Variants in COL21A1 observed in about 807,000 individuals in gnomAD.
The protein encoded by COL21A1 is collagen alpha-1(XXI) chain.
COL21A1 carries 149 observed loss-of-function variants against 137.9 expected under a neutral mutation model. The ratio of observed to expected loss-of-function variants is 1.08; its 90% CI spans 0.95 to 1.24. The LOEUF (loss-of-function observed/expected upper bound fraction) is 1.24. COL21A1 is among the 50% of genes most tolerant of loss of function. The pLI is 0.00. For synonymous variants in COL21A1, 456 were observed against 391.5 expected, an observed-to-expected ratio of 1.16 and a Z score of -1.95; for missense variants, 1,167 against 1,158.4, an observed-to-expected ratio of 1.01 and a Z score of -0.11.
intron 1 of COL21A1, among the ~76,000 whole-genome samples, chr6:56,282,506 C>A (rs1297200027): frequency 6.6e-6 from 1 of 152,122 alleles, no homozygotes; most frequent in Non-Finnish European, 1.5e-5. Context: ...GATGAAGAGG[C>A]CTGGATGCCA....
intron 8 of COL21A1, 138 bp downstream of exon 8, chr6:56,164,676 A>G: frequency 1.2e-6 from 1 of 852,106 alleles, no homozygotes. Flanking sequence ...ACAAAAATCT[A>G]TAAATATTAA....
chr6:56,223,108 G>T (rs2152313481), intron 1 of COL21A1, among the ~76,000 whole-genome samples: 1 of 151,972 alleles, frequency 6.6e-6, no homozygotes, highest in East Asian at 1.9e-4. Context: ...TCACTTCTGG[G>T]ATAAACCGTG....
chr6:56,301,470 A>T (rs781391641), intron 1 of COL21A1, among the ~76,000 whole-genome samples: 2 of 152,156 alleles, frequency 1.3e-5, no homozygotes, highest in Non-Finnish European at 2.9e-5. Context: ...TCAGACTCTG[A>T]CCTACAGAAG....
At chr6:56,318,291 G>C (rs1443783752) in intron 1 of COL21A1, among the ~76,000 whole-genome samples, 1 of 152,006 alleles carries the variant, frequency 6.6e-6, no homozygotes, top group Non-Finnish European at 1.5e-5. Context: ...CCCTGTACCT[G>C]TGAAAGTGAA....
chr6:56,353,738 T>C (rs1353101361), intron 1 of COL21A1, among the ~76,000 whole-genome samples: 2 of 151,714 alleles, frequency 1.3e-5, no homozygotes, highest in Non-Finnish European at 2.9e-5. Flanking sequence ...AGAATGCCAA[T>C]AGAATAAAAG....
At chr6:56,059,997 T>C in intron 28 of COL21A1, 21 bp downstream of exon 28, 1 of 1,553,958 alleles carries the variant, frequency 6.4e-7, no homozygotes, top group Non-Finnish European at 8.7e-7. Context: ...ATTCATTTTC[T>C]TGTTGAAACT....
intron 6 of COL21A1, among the ~76,000 whole-genome samples, chr6:56,167,763 CT>C (rs1165466698): frequency 1.3e-5 from 2 of 152,138 alleles, no homozygotes; most frequent in African/African-American, 2.4e-5. Context: ...ATCCTTGCAG[CT>C]GCAAAGACAT....
chr6:56,224,600 A>T (rs569668739), intron 1 of COL21A1, among the ~76,000 whole-genome samples: 2 of 152,220 alleles, frequency 1.3e-5, no homozygotes, highest in South Asian at 2.1e-4. Context: ...CGAATTTTTT[A>T]AAAATCATAT....
At chr6:56,314,486 T>C (rs2152340178) in intron 1 of COL21A1, among the ~76,000 whole-genome samples, 1 of 152,228 alleles carries the variant, frequency 6.6e-6, no homozygotes, top group African/African-American at 2.4e-5. Flanking sequence ...ATTCCTAGAA[T>C]CAGGAAACCC....
rs772848970 is a variant in COL21A1 at position 56,179,944 on chromosome 6, C to G, written c.274G>C (p.Gly92Arg). The G allele has an allele frequency of 6.2e-7, 1 of 1,613,850 alleles. No homozygotes were observed. Among genetic ancestry groups the G allele is most frequent in the Non-Finnish European group, 8.5e-7 (1 of 1,179,844 alleles). ...AAATGTTCTCCTGAATCATAGCTTCCGAGAGGAATCTCCAGCACAGGGTAG... is the reference window on the plus strand; with the variant it reads ...AAATGTTCTCCTGAATCATAGCTTCGGAGAGGAATCTCCAGCACAGGGTAG... ...SDYPVLEIPLGSYDSGEHLTA... is the reference protein window; with the variant it reads ...SDYPVLEIPLRSYDSGEHLTA... The change falls in exon 3 of 30, where the codon GGA becomes CGA. Residue 92 changes from glycine (G) to arginine (R), a missense_variant. Coordinates refer to ENST00000244728, the MANE Select transcript of COL21A1 (RefSeq NM_030820.4).
chr6:56,388,918 G>GA lies in COL21A1; in HGVS notation c.-39+5052dup, dbSNP rs541830993. Among the ~76,000 whole-genome samples the GA allele has an allele frequency of 3.7e-3, 565 of 152,266 alleles. 1 individual carries two copies. Among genetic ancestry groups the GA allele is most frequent in the Non-Finnish European group, 6.7e-3 (453 of 67,998 alleles). ...AGAGAAGGAATTCAGAATTCTATCA[G>GA]AAAAAATGTACCAAGAGAAATACAA... On this transcript the variant is annotated intron_variant, in intron 1 of 28. Coordinates refer to the COL21A1 transcript ENST00000370819.
chr6:56,154,302 G>A (rs1262707397), intron 10 of COL21A1, among the ~76,000 whole-genome samples: 2 of 152,102 alleles, frequency 1.3e-5, no homozygotes, highest in Non-Finnish European at 2.9e-5. Flanking sequence ...GCAGAATCAT[G>A]AGCCAAATAA....
intron 1 of COL21A1, among the ~76,000 whole-genome samples, chr6:56,300,189 G>C (rs1393921515): frequency 6.6e-6 from 1 of 152,042 alleles, no homozygotes; most frequent in Admixed American, 6.6e-5. Context: ...CTAAATGTGT[G>C]TATAATGATT....
chr6:56,353,166 G>C (rs538291564), intron 1 of COL21A1, among the ~76,000 whole-genome samples: 2 of 152,182 alleles, frequency 1.3e-5, no homozygotes, highest in East Asian at 3.9e-4. Flanking sequence ...TATGAACATG[G>C]GCTGGCTTTA....
intron 1 of COL21A1, among the ~76,000 whole-genome samples, chr6:56,187,290 A>C (rs1199436952): frequency 1.3e-5 from 2 of 152,154 alleles, no homozygotes; most frequent in Non-Finnish European, 2.9e-5. Flanking sequence ...CTAATAAACT[A>C]ACCCATGAAA....
At chr6:56,273,800 G>T (rs1763581198) in intron 1 of COL21A1, among the ~76,000 whole-genome samples, 1 of 152,118 alleles carries the variant, frequency 6.6e-6, no homozygotes, top group Non-Finnish European at 1.5e-5. Context: ...AAGAAGAACT[G>T]GTACCAATCA....
chr6:56,355,994 T>C (rs1765820251), intron 1 of COL21A1, among the ~76,000 whole-genome samples: 1 of 152,124 alleles, frequency 6.6e-6, no homozygotes, highest in South Asian at 2.1e-4. Flanking sequence ...GAGGAGGAAA[T>C]GGATTCGGAC....
intron 1 of COL21A1, among the ~76,000 whole-genome samples, chr6:56,247,088 G>C (rs965264657): frequency 6.6e-6 from 1 of 152,168 alleles, no homozygotes; most frequent in Non-Finnish European, 1.5e-5. Context: ...TGAGCTCAGG[G>C]GAGTAAATCA....
intron 1 of COL21A1, among the ~76,000 whole-genome samples, chr6:56,202,253 A>C (rs1489771617): frequency 6.6e-6 from 1 of 152,210 alleles, no homozygotes; most frequent in African/African-American, 2.4e-5. Context: ...GTGTCAATTA[A>C]TTAATAAAAC....
Sources: allele counts gnomAD v4.1 joint callset (sites outside exome capture counted in the v4.1 genomes callset), GRCh38; gene constraint gnomAD v4.1.1; transcripts MANE v1.5; gene names NCBI Gene and HGNC (gene_info 2026-07-23, HGNC 2026-07-21).